The following SLC35F1 variants were observed in gnomAD, a reference collection of about 807,000 sequenced individuals.
The protein encoded by SLC35F1 is solute carrier family 35 member F1.
SLC35F1 carries 14 observed loss-of-function variants against 48.7 expected under a neutral mutation model. That is an observed-to-expected ratio of 0.29 (90% CI 0.19 to 0.45). The LOEUF (loss-of-function observed/expected upper bound fraction) is 0.45, where lower values mean the gene tolerates loss of function less well. SLC35F1 is among the 20% of genes least tolerant of loss of function. SLC35F1 has a pLI of 1.00. For missense variants in SLC35F1, 404 were observed against 500.0 expected (o/e 0.81, Z 1.83); for synonymous variants, 190 against 202.2 (o/e 0.94, Z 0.51).
intron 7 of SLC35F1, among the ~76,000 whole-genome samples, chr6:118,304,060 A>G (rs1056457507): frequency 2.0e-5 from 3 of 152,156 alleles, no homozygotes; most frequent in African/African-American, 7.2e-5. Context: ...TTGGTGGACT[A>G]TTTTTCAGCC....
At chr6:118,120,428 G>A (rs1248169975) in intron 1 of SLC35F1, among the ~76,000 whole-genome samples, 1 of 152,168 alleles carries the variant, frequency 6.6e-6, no homozygotes. Flanking sequence ...GCATACAGAT[G>A]CAGGTTGATG....
chr6:118,302,319 G>A lies in SLC35F1; in HGVS notation c.1003-11709G>A, dbSNP rs61676793. On this transcript the variant is annotated intron_variant, in intron 7 of 7. Transcript: ENST00000360388. ...TTGGGAAGGAAACGCATGGGAGACA[G>A]GGAGAGCATTCTAAACTGATTTCAC... 8.8e-3 allele frequency among the ~76,000 whole-genome samples: 1,333 copies of A among 152,248 alleles called. 23 individuals carry two copies. The highest frequency in any genetic ancestry group is 0.031 in the African/African-American group (1,286 of 41,556).
At chr6:117,913,306 A>G (rs1775785965) in intron 1 of SLC35F1, among the ~76,000 whole-genome samples, 1 of 152,206 alleles carries the variant, frequency 6.6e-6, no homozygotes, top group Admixed American at 6.5e-5. Flanking sequence ...ATACAGGTCT[A>G]TATTCATTTA....
intron 5 of SLC35F1, among the ~76,000 whole-genome samples, chr6:118,276,236 G>A (rs1394211580): frequency 2.0e-5 from 3 of 152,140 alleles, no homozygotes; most frequent in African/African-American, 7.2e-5. Flanking sequence ...CTCAGAATTT[G>A]TTATGAGCAT....
chr6:118,175,445 A>G (rs1437524356), intron 2 of SLC35F1, among the ~76,000 whole-genome samples: 1 of 152,182 alleles, frequency 6.6e-6, no homozygotes, highest in Admixed American at 6.6e-5. Context: ...AACAAAAATC[A>G]TCAGAAACTT....
At chr6:118,276,374 AT>A (rs1465022097) in intron 5 of SLC35F1, among the ~76,000 whole-genome samples, 1 of 152,208 alleles carries the variant, frequency 6.6e-6, no homozygotes, top group Non-Finnish European at 1.5e-5. Flanking sequence ...GGTAATTCTG[AT>A]TTCACCAATC....
At chr6:118,281,926 A>G (rs1257788291) in intron 6 of SLC35F1, among the ~76,000 whole-genome samples, 2 of 152,260 alleles carry the variant, frequency 1.3e-5, no homozygotes. Context: ...CATAAAGTAC[A>G]TGACACATAG....
chr6:118,238,455 A>G (rs1248883261), intron 3 of SLC35F1, among the ~76,000 whole-genome samples: 1 of 150,604 alleles, frequency 6.6e-6, no homozygotes, highest in African/African-American at 2.4e-5. Flanking sequence ...AATAATAATA[A>G]TAATGGGAAT....
rs1243377545 is a variant in SLC35F1, at chr6:117,907,549, G to T, written c.-178G>T. 2.7e-6 allele frequency: 1 copy of T among 364,782 alleles called. No homozygotes were observed. The highest frequency in any genetic ancestry group is 4.9e-5 in the Admixed American group (1 of 20,554). The allele number at this position is 364,782 out of a possible 1,614,324, so 22.6% of individuals were successfully genotyped here. On this transcript the variant is annotated 5_prime_UTR_variant, in exon 1 of 8. Coordinates refer to ENST00000360388, the MANE Select transcript of SLC35F1 (RefSeq NM_001029858.4). ...CTGGGACTGGAGAGGAGTGAGTGGC[G>T]GGCTGGGCGGCGGCGGCCGTAGCCG...
chr6:118,295,430 C>G (rs117984513), intron 7 of SLC35F1, among the ~76,000 whole-genome samples: 1,637 of 152,234 alleles, frequency 0.011, 17 homozygotes, highest in Non-Finnish European at 0.019. Context: ...GCAGTATCAA[C>G]TATCCTTAAC....
At chr6:118,297,628 A>G (rs1776202899) in intron 7 of SLC35F1, among the ~76,000 whole-genome samples, 1 of 44,660 alleles carries the variant, frequency 2.2e-5, no homozygotes, top group Admixed American at 1.5e-4. Flanking sequence ...GAACTTATAT[A>G]TATATATATA....
In SLC35F1 at chr6:118,200,768, G is replaced by A. The variant is rs568557561; in HGVS notation, c.350-34741G>A. ...AACAGTGCGATTATGGGTCAGTTTG[G>A]GGGTTTTGCTCCATGTAGTCATTCA... is the stretch of plus-strand genomic sequence containing the variant. On this transcript the variant is annotated intron_variant, in intron 2 of 7. Coordinates refer to ENST00000360388, the MANE Select transcript of SLC35F1 (RefSeq NM_001029858.4). Among the ~76,000 whole-genome samples the A allele has an allele frequency of 6.6e-5, 10 of 152,186 alleles. No individual in the cohort carries two copies. In the South Asian group the frequency reaches 1.9e-3, roughly 28 times the overall value.
At chr6:118,290,632 A>G (rs1776109475) in intron 7 of SLC35F1, among the ~76,000 whole-genome samples, 1 of 152,094 alleles carries the variant, frequency 6.6e-6, no homozygotes, top group African/African-American at 2.4e-5. Context: ...AAAATCAAGT[A>G]GTCATTGTTT....
intron 1 of SLC35F1, among the ~76,000 whole-genome samples, chr6:117,992,003 T>C (rs554233876): frequency 1.3e-5 from 2 of 152,224 alleles, no homozygotes; most frequent in African/African-American, 4.8e-5. Context: ...TTCTTTGCCT[T>C]TTAATGTTAT....
intron 1 of SLC35F1, among the ~76,000 whole-genome samples, chr6:118,110,910 C>G (rs1271181844): frequency 2.0e-5 from 3 of 151,962 alleles, no homozygotes; most frequent in East Asian, 3.9e-4. Context: ...TGGCTTTTTC[C>G]CTTCCTCCAG....
chr6:117,995,551 G>A (rs944946631), intron 1 of SLC35F1, among the ~76,000 whole-genome samples: 4 of 152,102 alleles, frequency 2.6e-5, no homozygotes, highest in Non-Finnish European at 4.4e-5. Context: ...GACCTGCCTG[G>A]CCAACATGGT....
chr6:118,144,365 C>T (rs1773938696), intron 1 of SLC35F1, among the ~76,000 whole-genome samples: 1 of 151,702 alleles, frequency 6.6e-6, no homozygotes, highest in Non-Finnish European at 1.5e-5. Flanking sequence ...CATGTTCTCA[C>T]TTATACATGG....
rs534647966 is a variant in SLC35F1 at position 118,000,736 on chromosome 6, G to C, written c.173+92837G>C. Among the ~76,000 whole-genome samples the C allele has an allele frequency of 4.6e-5, 7 of 152,296 alleles. No individual in the cohort carries two copies. In the South Asian group the frequency reaches 1.5e-3, roughly 32 times the overall value. On this transcript the variant is annotated intron_variant, in intron 1 of 7. Coordinates refer to ENST00000360388, the MANE Select transcript of SLC35F1 (RefSeq NM_001029858.4). ...GCTCAAAATCTCCTTAAGCTGATAAGCAACTTCAGCTAAGTCTCAGGATAC... is the reference window on the plus strand; with the variant it reads ...GCTCAAAATCTCCTTAAGCTGATAACCAACTTCAGCTAAGTCTCAGGATAC...
At chr6:117,924,463 T>TAC (rs1775995178) in intron 1 of SLC35F1, among the ~76,000 whole-genome samples, 5 of 147,312 alleles carry the variant, frequency 3.4e-5, no homozygotes, top group South Asian at 2.1e-4. Flanking sequence ...TATATGTGTG[T>TAC]ACATATATAC....
Sources: allele counts gnomAD v4.1 joint callset (sites outside exome capture counted in the v4.1 genomes callset), GRCh38; gene constraint gnomAD v4.1.1; transcripts MANE v1.5; gene names NCBI Gene and HGNC (gene_info 2026-07-23, HGNC 2026-07-21).